The following IER3IP1 variants were observed in gnomAD, a reference collection of about 807,000 sequenced individuals.
IER3IP1 encodes immediate early response 3 interacting protein 1.
In IER3IP1, 16 loss-of-function variants were observed where a neutral mutation model predicts 12.2. The ratio of observed to expected loss-of-function variants is 1.31; its 90% CI spans 0.89 to 1.99. The LOEUF is 1.99. Ranked by LOEUF, IER3IP1 falls within the 30% of genes most tolerant of loss-of-function variation. The probability of loss-of-function intolerance (pLI) is 0.00; values close to 1 mark genes in which losing one functional copy is unlikely to be tolerated. For missense variants in IER3IP1, 95 were observed against 95.8 expected, an observed-to-expected ratio of 0.99 and a Z score of 0.03; for synonymous variants, 42 against 40.0, an observed-to-expected ratio of 1.05 and a Z score of -0.19.
In IER3IP1 at chr18:47,153,928, T is replaced by TA. The variant is rs1376867957; in HGVS notation, c.*2248dup. The stretch of plus-strand genomic sequence containing the variant: ...TCATCTGGTTTAGATACGGGAATGT[T>TA]ACAGTTCTGTGTCAGAATTCCTTTG... On this transcript the variant is annotated 3_prime_UTR_variant, in exon 3 of 3. Coordinates refer to ENST00000256433, the MANE Select transcript of IER3IP1 (RefSeq NM_016097.5). 6.6e-6 allele frequency: 1 copy of TA among 152,212 alleles called. No homozygotes were observed. Among genetic ancestry groups the TA allele is most frequent in the Non-Finnish European group, 1.5e-5 (1 of 68,042 alleles). The allele number at this position is 152,212 out of a possible 1,614,324, so 9.4% of individuals were successfully genotyped here.
At chr18:47,162,749 T>C (rs555448826) in intron 1 of IER3IP1, among the ~76,000 whole-genome samples, 1 of 152,236 alleles carries the variant, frequency 6.6e-6, no homozygotes, top group East Asian at 1.9e-4. Flanking sequence ...GACATGAGCC[T>C]TTTTAGCCAA....
intron 1 of IER3IP1, among the ~76,000 whole-genome samples, chr18:47,175,487 G>T (rs549673545): frequency 0.016 from 2,493 of 151,558 alleles, 22 homozygotes; most frequent in Non-Finnish European, 0.024. Flanking sequence ...TTTGTTAGAC[G>T]GAGTCTCACT....
chr18:47,153,484 G>T lies in IER3IP1; in HGVS notation c.*2693C>A, dbSNP rs911185070. On this transcript the variant is annotated 3_prime_UTR_variant, in exon 3 of 3. Transcript: ENST00000256433. ...ACTTGTGTCACGGGGGTTTGGCACAGATTATTTCGTTATCCAGGTGCTAAG... is the reference window on the plus strand; with the variant it reads ...ACTTGTGTCACGGGGGTTTGGCACATATTATTTCGTTATCCAGGTGCTAAG... 1 of 151,630 alleles carries T rather than the reference G, an allele frequency of 6.6e-6. No individual in the cohort carries two copies. Among genetic ancestry groups the T allele is most frequent in the Non-Finnish European group, 1.5e-5 (1 of 67,974 alleles). The allele number at this position is 151,630 out of a possible 1,614,324, so 9.4% of individuals were successfully genotyped here.
intron 1 of IER3IP1, among the ~76,000 whole-genome samples, chr18:47,166,611 A>T (rs910727943): frequency 6.6e-6 from 1 of 152,198 alleles, no homozygotes; most frequent in Non-Finnish European, 1.5e-5. Context: ...TTTATATTGA[A>T]GGCTACAGAT....
At chr18:47,166,843 T>C (rs1413445689) in intron 1 of IER3IP1, among the ~76,000 whole-genome samples, 1 of 152,206 alleles carries the variant, frequency 6.6e-6, no homozygotes. Context: ...TTTAAACTTC[T>C]ATTTTAAAAC....
intron 1 of IER3IP1, among the ~76,000 whole-genome samples, chr18:47,173,363 T>A (rs2064021264): frequency 6.6e-6 from 1 of 152,132 alleles, no homozygotes; most frequent in African/African-American, 2.4e-5. Flanking sequence ...TTTTCTTCCT[T>A]CGAGACATAG....
At chr18:47,158,415 A>C in intron 1 of IER3IP1, among the ~76,000 whole-genome samples, 1 of 151,994 alleles carries the variant, frequency 6.6e-6, no homozygotes, top group Non-Finnish European at 1.5e-5. Flanking sequence ...ATCACGGCTT[A>C]CTACAGCCTC....
chr18:47,170,443 G>A (rs1268801024), intron 1 of IER3IP1, among the ~76,000 whole-genome samples: 2 of 151,728 alleles, frequency 1.3e-5, no homozygotes, highest in African/African-American at 4.8e-5. Context: ...AAGCTAACTG[G>A]GATTTTGATA....
chr18:47,167,111 C>T (rs949896452), intron 1 of IER3IP1, among the ~76,000 whole-genome samples: 2 of 151,812 alleles, frequency 1.3e-5, no homozygotes, highest in African/African-American at 4.8e-5. Flanking sequence ...AGTCCAGTGG[C>T]GCAGTGTCAG....
chr18:47,168,761 A>C (rs2064005556), intron 1 of IER3IP1, among the ~76,000 whole-genome samples: 1 of 152,244 alleles, frequency 6.6e-6, no homozygotes, highest in Admixed American at 6.5e-5. Flanking sequence ...GTAGGACCAT[A>C]GAAGATGTGT....
At position 47,176,323 on chromosome 18, in the gene IER3IP1, G is replaced by A. The variant is rs759900825; in HGVS notation, c.-46C>T. The A allele has an allele frequency of 1.6e-5, 25 of 1,515,468 alleles. 1 individual carries two copies. The South Asian group carries it at 2.5e-4, about 15-fold the overall frequency. The allele number at this position is 1,515,468 out of a possible 1,614,324, so 93.9% of individuals were successfully genotyped here. The stretch of plus-strand genomic sequence containing the variant: ...AAGTCCAAGCGATTTCTCTCCCGCC[G>A]CCGCAAGGGACGTGGCGCCTCCACG... On this transcript the variant is annotated 5_prime_UTR_variant, in exon 1 of 3. Transcript: ENST00000256433.
chr18:47,166,285 T>C (rs2063995754), intron 1 of IER3IP1, among the ~76,000 whole-genome samples: 1 of 152,162 alleles, frequency 6.6e-6, no homozygotes, highest in African/African-American at 2.4e-5. Context: ...AAACATTCGT[T>C]GATTGACAGA....
rs774904364 is a variant in IER3IP1 at position 47,176,144 on chromosome 18, G to T, written c.91+43C>A. 7.9e-6 allele frequency: 12 copies of T among 1,516,964 alleles called. No homozygotes were observed. The South Asian group carries it at 1.2e-4, about 15-fold the overall frequency. 94.0% of individuals were successfully genotyped at this position (1,516,964 alleles called of 1,614,324 possible). ...CCCCATTAGGTTACGCGCCCCCGGG[G>T]ACTCCGCCGCCGCCCCAGCCCGCGC... On this transcript the variant is annotated intron_variant, in intron 1 of 2. Transcript: ENST00000256433.
intron 1 of IER3IP1, among the ~76,000 whole-genome samples, chr18:47,158,931 C>A (rs2063970540): frequency 6.6e-6 from 1 of 152,048 alleles, no homozygotes; most frequent in Admixed American, 6.5e-5. Flanking sequence ...CTACTGCACT[C>A]CAGCCTGGGC....
Position 47,176,179 on chromosome 18 carries a change from C to T in IER3IP1, c.91+8G>A. ...CCGCCCCAGCCCGCGCCCCGCGGTC[C>T]CACTCACTGTTCTTGAGGAATCGCT... On this transcript the variant is annotated splice_region_variant and intron_variant, in intron 1 of 2. Transcript: ENST00000256433. 6.3e-7 allele frequency: 1 copy of T among 1,587,158 alleles called. No individual in the cohort carries two copies. The highest frequency in any genetic ancestry group is 1.3e-5 in the African/African-American group (1 of 74,548).
chr18:47,173,822 T>TC (rs2064022783), intron 1 of IER3IP1, among the ~76,000 whole-genome samples: 1 of 152,234 alleles, frequency 6.6e-6, no homozygotes, highest in Non-Finnish European at 1.5e-5. Context: ...TGCCTCTCTC[T>TC]TAACATCCAG....
intron 1 of IER3IP1, among the ~76,000 whole-genome samples, chr18:47,173,882 A>G (rs553787726): frequency 6.6e-6 from 1 of 152,226 alleles, no homozygotes; most frequent in African/African-American, 2.4e-5. Context: ...GCATCACTCC[A>G]ATCTCTGCCT....
At chr18:47,163,939 G>A (rs2144429976) in intron 1 of IER3IP1, among the ~76,000 whole-genome samples, 1 of 152,020 alleles carries the variant, frequency 6.6e-6, no homozygotes, top group South Asian at 2.1e-4. Flanking sequence ...ATGTATCATT[G>A]GTAAAATTAT....
chr18:47,164,231 T>C (rs1176530016), intron 1 of IER3IP1, among the ~76,000 whole-genome samples: 2 of 151,874 alleles, frequency 1.3e-5, no homozygotes, highest in African/African-American at 4.8e-5. Context: ...AAACATATAG[T>C]AAGTTAGTTA....
Sources: gnomAD v4.1 joint callset for allele counts (sites outside exome capture counted in the v4.1 genomes callset) on GRCh38, gnomAD v4.1.1 for gene constraint, MANE v1.5 for transcripts, NCBI Gene and HGNC (gene_info 2026-07-23, HGNC 2026-07-21) for gene names.